PARP3: variants seen among roughly 807,000 people sequenced by gnomAD.
PARP3 encodes the protein protein mono-ADP-ribosyltransferase PARP3.
PARP3 carries 46 observed loss-of-function variants against 58.2 expected under a neutral mutation model. The ratio of observed to expected loss-of-function variants is 0.79; its 90% CI spans 0.62 to 1.01. The LOEUF (loss-of-function observed/expected upper bound fraction) is 1.01. Among genes scored for constraint, PARP3 ranks in the 50% least tolerant of loss-of-function variants. The probability of loss-of-function intolerance (pLI) is 0.00; values close to 1 mark genes in which losing one functional copy is unlikely to be tolerated. For missense variants in PARP3, 663 were observed against 683.9 expected (o/e 0.97, Z 0.34); for synonymous variants, 252 against 266.4 (o/e 0.95, Z 0.53).
In PARP3 at chr3:51,944,381, C is replaced by T. The variant is rs774087443; in HGVS notation, c.313-9C>T. 5.6e-6 allele frequency: 9 copies of T among 1,613,140 alleles called. No homozygotes were observed. The highest frequency in any genetic ancestry group is 4.0e-5 in the African/African-American group (3 of 74,918). On this transcript the variant is annotated splice_polypyrimidine_tract_variant and intron_variant, in intron 3 of 10. Coordinates refer to ENST00000398755, the MANE Select transcript of PARP3 (RefSeq NM_001003931.4). This position sits in a 1 kb window ranked among gnomAD's most constrained non-coding sequence, Gnocchi z 4.2. ...TGGTGGGCATACCCCTGAAGGCTGT[C>T]GGTTGCAGGGAGAGGTCGGCCAGTC... is the stretch of plus-strand genomic sequence containing the variant.
Position 51,946,674 on chromosome 3 carries a change from G to A in PARP3, c.1276+331G>A, listed in dbSNP as rs1298288174. ...CTCTGGAGGCTGAGGCAGGAGGAAC[G>A]CTTGAGCCCACAAGTTTAAGGCTGC... On this transcript the variant is annotated intron_variant, in intron 9 of 10. Coordinates refer to ENST00000398755, the MANE Select transcript of PARP3 (RefSeq NM_001003931.4). The surrounding 1 kb of genome is among the most constrained non-coding windows in gnomAD (Gnocchi z 4.6). Among the ~76,000 whole-genome samples, 3 of 152,134 alleles carry A rather than the reference G, an allele frequency of 2.0e-5. No individual in the cohort carries two copies. Among genetic ancestry groups the A allele is most frequent in the South Asian group, 2.1e-4 (1 of 4,830 alleles).
chr3:51,944,347 A>C lies in PARP3; in HGVS notation c.313-43A>C. On this transcript the variant is annotated intron_variant, in intron 3 of 10. Transcript: ENST00000398755. The surrounding 1 kb of genome is among the most constrained non-coding windows in gnomAD (Gnocchi z 4.2). ...GGCCTGGCCCGACACACAGGCCAGC[A>C]AATGCTGATGGTGGGCATACCCCTG... The C allele has an allele frequency of 6.2e-7, 1 of 1,611,492 alleles. No individual in the cohort carries two copies. Among genetic ancestry groups the C allele is most frequent in the South Asian group, 1.1e-5 (1 of 90,804 alleles).
At chr3:51,945,747 T>C in intron 7 of PARP3, 103 bp downstream of exon 7, 1 of 1,527,394 alleles carries the variant, frequency 6.5e-7, no homozygotes, top group Admixed American at 1.7e-5. Flanking sequence ...AGCCTTCTCT[T>C]CCTGTGTCTC....
chr3:51,948,010 C>G, intron 10 of PARP3, 115 bp downstream of exon 10: 8 of 1,061,746 alleles, frequency 7.5e-6, no homozygotes, highest in Non-Finnish European at 1.1e-5. Flanking sequence ...CCTGTCGTCA[C>G]TCAGTTTGTC....
intron 7 of PARP3, 23 bp from the exon 8 acceptor site, chr3:51,945,830 A>T (rs1400858453): frequency 6.2e-7 from 1 of 1,608,210 alleles, no homozygotes; most frequent in Admixed American, 1.7e-5. Context: ...CACCCTGGCA[A>T]CCAGCTTCTG....
chr3:51,945,915 C>A lies in PARP3; in HGVS notation c.1074C>A (p.Ile358=), dbSNP rs550999771. ...ACAGGTGCCCTACACTTCAACACAT[C>A]TGGAAAGTAAACCAAGAAGGGGAGG... is the stretch of plus-strand genomic sequence containing the variant. ...SNHRCPTLQH[I]WKVNQEGEED... The change falls in exon 8 of 11, where the codon ATC becomes ATA. Residue 358 remains isoleucine (I), a synonymous_variant. Coordinates refer to ENST00000398755, the MANE Select transcript of PARP3 (RefSeq NM_001003931.4). 2.2e-5 allele frequency: 35 copies of A among 1,614,118 alleles called. 1 individual carries two copies. The South Asian group carries it at 3.7e-4, about 17-fold the overall frequency.
At chr3:51,945,406 G>T (rs1337007619) in intron 6 of PARP3, 89 bp from the exon 7 acceptor site, 19 of 1,478,222 alleles carry the variant, frequency 1.3e-5, no homozygotes, top group Middle Eastern at 1.7e-4. Flanking sequence ...ACACACAGGT[G>T]GGGTGGCTAC....
Position 51,944,821 on chromosome 3 carries a change from C to T in PARP3, c.545C>T (p.Pro182Leu), listed in dbSNP as rs1231731736. ...PVRTVTKRVQ[P>L]CSLDPATQKL... is the part of the protein sequence containing the mutation. Reference sequence around the variant, plus strand: ...AGGACTGTGACTAAGCGGGTGCAGCCCTGCTCCCTGGACCCAGCCACGCAG... The same window carrying T: ...AGGACTGTGACTAAGCGGGTGCAGCTCTGCTCCCTGGACCCAGCCACGCAG... Residue 182 changes from proline (P) to leucine (L), a missense_variant, in exon 5 of 11, where the codon CCC becomes CTC. By Grantham distance (98) the Pro-to-Leu change is moderately conservative. Transcript: ENST00000398755. The surrounding 1 kb of genome is among the most constrained non-coding windows in gnomAD (Gnocchi z 4.2). 1.9e-6 allele frequency: 3 copies of T among 1,613,718 alleles called. No homozygotes were observed. Among genetic ancestry groups the T allele is most frequent in the Admixed American group, 1.7e-5 (1 of 59,994 alleles).
intron 1 of PARP3, 121 bp downstream of exon 1, chr3:51,942,829 C>A (rs1181639695): frequency 1.5e-5 from 22 of 1,473,862 alleles, no homozygotes; most frequent in Non-Finnish European, 2.0e-5. Flanking sequence ...CTCTTGAGTC[C>A]ATTGGGAAGG....
rs980039183 is a variant in PARP3, at chr3:51,947,864, C to T, written c.1401C>T (p.Asp467=). Residue 467 remains aspartate (D), a synonymous_variant, in exon 10 of 11, where the codon GAC becomes GAT. Transcript: ENST00000398755. ...PSLKSPPPGF[D]SVIARGHTEP... The stretch of plus-strand genomic sequence containing the variant: ...TGAAGAGCCCACCTCCTGGCTTCGA[C>T]AGTGTCATTGCCCGAGGCCACACCG... The T allele has an allele frequency of 1.9e-6, 3 of 1,614,072 alleles. No homozygotes were observed. The highest frequency in any genetic ancestry group is 2.5e-6 in the Non-Finnish European group (3 of 1,180,030).
rs1228725541 is a variant in PARP3 at position 51,944,796 on chromosome 3, A to G, written c.520A>G (p.Arg174Gly). The G allele has an allele frequency of 6.2e-7, 1 of 1,612,484 alleles. No homozygotes were observed. Among genetic ancestry groups the G allele is most frequent in the East Asian group, 2.2e-5 (1 of 44,832 alleles). The change falls in exon 5 of 11, where the codon AGG (arginine) becomes GGG (glycine). Residue 174 changes from arginine to glycine, a missense_variant. This residue lies in a region of PARP3 where 567 missense variants were observed against 553.6 expected (regional missense o/e 1.02). Coordinates refer to ENST00000398755, the MANE Select transcript of PARP3 (RefSeq NM_001003931.4). The surrounding 1 kb of genome is among the most constrained non-coding windows in gnomAD (Gnocchi z 4.2). ...AVVKVDRGPV[R>G]TVTKRVQPCS... ...TCTTCAGGTGGACAGAGGCCCAGTG[A>G]GGACTGTGACTAAGCGGGTGCAGCC...
chr3:51,942,969 A>G, intron 1 of PARP3: 1 of 1,407,792 alleles, frequency 7.1e-7, no homozygotes. Context: ...GGGCTGAACT[A>G]GCTGACACAG....
rs1410873876 is a variant in PARP3, at chr3:51,944,382, G to A, written c.313-8G>A. ...GGTGGGCATACCCCTGAAGGCTGTC[G>A]GTTGCAGGGAGAGGTCGGCCAGTCA... On this transcript the variant is annotated splice_region_variant and splice_polypyrimidine_tract_variant and intron_variant, in intron 3 of 10. Coordinates refer to ENST00000398755, the MANE Select transcript of PARP3 (RefSeq NM_001003931.4). The surrounding 1 kb of genome is among the most constrained non-coding windows in gnomAD (Gnocchi z 4.2). 3.1e-6 allele frequency: 5 copies of A among 1,613,584 alleles called. No individual in the cohort carries two copies. Among genetic ancestry groups the A allele is most frequent in the African/African-American group, 1.3e-5 (1 of 75,050 alleles).
At position 51,945,089 on chromosome 3, in the gene PARP3, C is replaced by T. The variant is rs767050625; in HGVS notation, c.726C>T (p.Gly242=). Residue 242 remains glycine (G), a synonymous_variant, in exon 6 of 11, where the codon GGC becomes GGT. Transcript: ENST00000398755. ...ALEALEEALK[G]PTDGGQSLEE... ...AGGCGCTGGAGGAGGCCCTGAAAGG[C>T]CCCACGGATGGTGGCCAAAGCCTGG... The T allele has an allele frequency of 1.2e-6, 2 of 1,614,176 alleles. No individual in the cohort carries two copies. Among genetic ancestry groups the T allele is most frequent in the South Asian group, 2.2e-5 (2 of 91,092 alleles).
rs1553715940 is a variant in PARP3, at chr3:51,943,457, G to T, written c.102G>T (p.Glu34Asp). 6.2e-7 allele frequency: 1 copy of T among 1,609,666 alleles called. No homozygotes were observed. The highest frequency in any genetic ancestry group is 1.1e-5 in the South Asian group (1 of 90,250). Residue 34 changes from glutamate (E) to aspartate (D), a missense_variant, in exon 2 of 11, where the codon GAG (glutamate) becomes GAT (aspartate). Glu to Asp is a conservative substitution (Grantham distance 45). Coordinates refer to ENST00000398755, the MANE Select transcript of PARP3 (RefSeq NM_001003931.4). ...REEDPFRSTA[E>D]ALKAIPAEKR... ...AGGACCCCTTCCGCTCCACCGCTGA[G>T]GCCCTCAAGGCCATACCCGCAGAGA...
At chr3:51,943,311 G>A in intron 1 of PARP3, 43 bp from the exon 2 acceptor site, 1 of 1,502,514 alleles carries the variant, frequency 6.7e-7, no homozygotes, top group Non-Finnish European at 8.9e-7. Flanking sequence ...TTGGGGATGA[G>A]GAGACCATGG....
At position 51,946,433 on chromosome 3, in the gene PARP3, C is replaced by A; in HGVS notation, c.1276+90C>A. 1 of 1,059,222 alleles carries A rather than the reference C, an allele frequency of 9.4e-7. No individual in the cohort carries two copies. Among genetic ancestry groups the A allele is most frequent in the Non-Finnish European group, 1.4e-6 (1 of 731,820 alleles). The allele number at this position is 1,059,222 out of a possible 1,614,324, so 65.6% of individuals were successfully genotyped here. ...TGGCCACTGGAAATTCATGGTGAAT[C>A]CAAGAGAGGAATCCTTTAATGGTTA... On this transcript the variant is annotated intron_variant, in intron 9 of 10. Transcript: ENST00000398755. This position sits in a 1 kb window ranked among gnomAD's most constrained non-coding sequence, Gnocchi z 4.6.
Position 51,944,037 on chromosome 3 carries a change from G to T in PARP3, c.184-52G>T. On this transcript the variant is annotated intron_variant, in intron 2 of 10. Coordinates refer to ENST00000398755, the MANE Select transcript of PARP3 (RefSeq NM_001003931.4). This position sits in a 1 kb window ranked among gnomAD's most constrained non-coding sequence, Gnocchi z 4.2. ...TCAGAGCCCTCTCGGTGTACGGCCA[G>T]GCACCCCATCTGACCCCAGCCAGCC... is the stretch of plus-strand genomic sequence containing the variant. The T allele has an allele frequency of 6.3e-7, 1 of 1,581,560 alleles. No individual in the cohort carries two copies. The highest frequency in any genetic ancestry group is 8.6e-7 in the Non-Finnish European group (1 of 1,160,944).
rs1699608449 is a variant in PARP3, at chr3:51,944,007, C to T, written c.184-82C>T. ...ACTCCCACTGCCGTCAGACTCCTGT[C>T]CCCATCAGAGCCCTCTCGGTGTACG... On this transcript the variant is annotated intron_variant, in intron 2 of 10. Transcript: ENST00000398755. This position sits in a 1 kb window ranked among gnomAD's most constrained non-coding sequence, Gnocchi z 4.2. 7 of 1,374,408 alleles carry T rather than the reference C, an allele frequency of 5.1e-6. No homozygotes were observed. The Admixed American group carries it at 5.8e-5, about 11-fold the overall frequency. 85.1% of individuals were successfully genotyped at this position (1,374,408 alleles called of 1,614,324 possible).
Sources: gnomAD v4.1 joint callset for allele counts (sites outside exome capture counted in the v4.1 genomes callset) on GRCh38, gnomAD v4.1.1 for gene constraint, gnomAD v4.1.1 regional missense constraint, Gnocchi (gnomAD v3.1) non-coding constraint, MANE v1.5 for transcripts, NCBI Gene and HGNC (gene_info 2026-07-23, HGNC 2026-07-21) for gene names.